Variants in PPP2R1B observed in about 807,000 individuals in gnomAD.
The protein encoded by PPP2R1B is serine/threonine-protein phosphatase 2A 65 kDa regulatory subunit A beta isoform.
A neutral mutation model predicts 72.7 loss-of-function variants in PPP2R1B; 58 were observed. The ratio of observed to expected loss-of-function variants is 0.80; its 90% CI spans 0.65 to 0.99. PPP2R1B has a LOEUF of 0.99. Ranked by LOEUF, PPP2R1B falls within the 50% of genes least tolerant of loss-of-function variation. PPP2R1B has a pLI of 0.00. For synonymous variants in PPP2R1B, 256 were observed against 264.6 expected (o/e 0.97, Z 0.32); for missense variants, 695 against 733.6 (o/e 0.95, Z 0.61).
chr11:111,737,888 A>T lies in PPP2R1B; in HGVS notation c.*3708T>A. 1 of 1,142,838 alleles carries T rather than the reference A, an allele frequency of 8.8e-7. No individual in the cohort carries two copies. Among genetic ancestry groups the T allele is most frequent in the African/African-American group, 1.6e-5 (1 of 64,092 alleles). The allele number at this position is 1,142,838 out of a possible 1,614,324, so 70.8% of individuals were successfully genotyped here. A position where few individuals can be genotyped will look rare whatever the true frequency, so the allele number is the denominator to read the frequency against. ...AAAGACCTGGCTCCTTTCAGAACTC[A>T]TATCAGTTTAAGAGAACAACTCTGG... is the stretch of plus-strand genomic sequence containing the variant. On this transcript the variant is annotated 3_prime_UTR_variant, in exon 15 of 15. Transcript: ENST00000527614.
downstream of PPP2R1B, chr11:111,723,867 C>T (rs1490959159): frequency 1.2e-6 from 2 of 1,613,736 alleles, no homozygotes; most frequent in Non-Finnish European, 1.7e-6. Flanking sequence ...GCTGCCCCAG[C>T]CCCCTTACAG....
chr11:111,720,415 G>C, the PPP2R1B span: 1 of 1,478,110 alleles, frequency 6.8e-7, no homozygotes, highest in Non-Finnish European at 9.1e-7. Flanking sequence ...GTTATGCTTT[G>C]TACCCTATGT....
intron 6 of PPP2R1B, 51 bp downstream of exon 6, chr11:111,755,244 T>C (rs782615032): frequency 1.9e-6 from 3 of 1,562,658 alleles, no homozygotes; most frequent in Non-Finnish European, 2.6e-6. Context: ...CAACAGCAAA[T>C]CTATGTGTTT....
downstream of PPP2R1B, among the ~76,000 whole-genome samples, chr11:111,736,556 C>T (rs1944346433): frequency 6.6e-6 from 1 of 152,224 alleles, no homozygotes; most frequent in Non-Finnish European, 1.5e-5. Flanking sequence ...AGCCCTTCCT[C>T]TCACTGTGCG....
At position 111,738,096 on chromosome 11, in the gene PPP2R1B, G is replaced by C. The variant is rs1230153428; in HGVS notation, c.*3500C>G. ...TGGAGGGAGACATGCGAGGGAAGAG[G>C]AAAGAGGAGAGTAAGGAACTGGATG... On this transcript the variant is annotated 3_prime_UTR_variant, in exon 15 of 15. Transcript: ENST00000527614. 2 of 990,270 alleles carry C rather than the reference G, an allele frequency of 2.0e-6. No individual in the cohort carries two copies. The highest frequency in any genetic ancestry group is 5.7e-5 in the Admixed American group (1 of 17,444). 61.3% of individuals were successfully genotyped at this position (990,270 alleles called of 1,614,324 possible).
At chr11:111,708,665 C>T in the PPP2R1B span, among the ~76,000 whole-genome samples, 1 of 152,074 alleles carries the variant, frequency 6.6e-6, no homozygotes, top group Admixed American at 6.5e-5. Context: ...CTCACTTTAG[C>T]CTCAACCTCC....
chr11:111,727,083 C>T (rs746878468), intron 15 of PPP2R1B: 91 of 1,595,468 alleles, frequency 5.7e-5, no homozygotes, highest in East Asian at 1.8e-4. Context: ...CATGTTAGCC[C>T]GACAGGAAGA....
exon 16 of PPP2R1B, chr11:111,726,971 T>G: frequency 9.3e-6 from 15 of 1,613,716 alleles, no homozygotes; most frequent in South Asian, 2.2e-5. Flanking sequence ...GGTATTAGTC[T>G]GTGCTTTGGG....
chr11:111,745,954 T>C (rs1483333615), intron 11 of PPP2R1B, among the ~76,000 whole-genome samples: 2 of 152,222 alleles, frequency 1.3e-5, no homozygotes, highest in Non-Finnish European at 2.9e-5. Flanking sequence ...TGTTATTTCA[T>C]TGGTTCATGG....
downstream of PPP2R1B, chr11:111,723,920 G>A: frequency 1.2e-6 from 2 of 1,613,646 alleles, no homozygotes; most frequent in Non-Finnish European, 1.7e-6. Context: ...TGCTTCCCCT[G>A]CGCCAGACTA....
chr11:111,720,022 A>G, the PPP2R1B span: 2 of 1,602,524 alleles, frequency 1.2e-6, no homozygotes, highest in South Asian at 2.2e-5. Context: ...GAGGAGCGAC[A>G]CTAGCTTGAG....
At chr11:111,742,312 A>AG in intron 13 of PPP2R1B, 168 bp from the exon 14 acceptor site, 1 of 665,142 alleles carries the variant, frequency 1.5e-6, no homozygotes, top group Non-Finnish European at 2.3e-6. Flanking sequence ...CAGCAAAATC[A>AG]GCTTCAGACA....
At chr11:111,736,217 C>T (rs1026391562), downstream of PPP2R1B, among the ~76,000 whole-genome samples, 3 of 152,162 alleles carry the variant, frequency 2.0e-5, no homozygotes, top group Admixed American at 6.5e-5. Flanking sequence ...GCTCGAGTAA[C>T]GGCAACTTAT....
chr11:111,734,963 G>A (rs912950239), downstream of PPP2R1B, among the ~76,000 whole-genome samples: 22 of 152,234 alleles, frequency 1.4e-4, no homozygotes, highest in African/African-American at 5.3e-4. Context: ...AGAACAGCCT[G>A]GTTCACCAGC....
Position 111,752,267 on chromosome 11 carries a change from A to G in PPP2R1B, c.1230T>C (p.Arg410=). 1 of 1,614,142 alleles carries G rather than the reference A, an allele frequency of 6.2e-7. No individual in the cohort carries two copies. Among genetic ancestry groups the G allele is most frequent in the Non-Finnish European group, 8.5e-7 (1 of 1,180,008 alleles). ...CAGGAAGGAGAGACTGAGAGAGCTG[A>G]CGGATTCCAATCACTTCATTTACAC... ...LDCVNEVIGI[R]QLSQSLLPAI... The change falls in exon 10 of 15, where the codon CGT becomes CGC. Residue 410 remains arginine (R), a synonymous_variant. Transcript: ENST00000527614.
chr11:111,703,689 C>G, the PPP2R1B span, among the ~76,000 whole-genome samples: 2 of 152,138 alleles, frequency 1.3e-5, no homozygotes, highest in East Asian at 3.9e-4. Flanking sequence ...TTAACAAATA[C>G]AAGGTAGAAA....
At chr11:111,721,502 C>T in the PPP2R1B span, among the ~76,000 whole-genome samples, 1 of 152,172 alleles carries the variant, frequency 6.6e-6, no homozygotes, top group Non-Finnish European at 1.5e-5. Context: ...ATAAATACTG[C>T]TACTTACCTG....
At chr11:111,706,342 T>G in the PPP2R1B span, among the ~76,000 whole-genome samples, 1 of 152,286 alleles carries the variant, frequency 6.6e-6, no homozygotes, top group Middle Eastern at 3.4e-3. Context: ...TGGCATTAAC[T>G]CAGTTGCTCA....
the PPP2R1B span, among the ~76,000 whole-genome samples, chr11:111,694,032 T>A: frequency 6.6e-6 from 1 of 152,126 alleles, no homozygotes; most frequent in Non-Finnish European, 1.5e-5. Context: ...ATTACTTGAG[T>A]TGATATTTGT....
Sources: gnomAD v4.1 joint callset for allele counts (sites outside exome capture counted in the v4.1 genomes callset) on GRCh38, gnomAD v4.1.1 for gene constraint, MANE v1.5 for transcripts, NCBI Gene and HGNC (gene_info 2026-07-23, HGNC 2026-07-21) for gene names.